Variants in MYH3 observed in about 807,000 individuals in gnomAD.
The protein encoded by MYH3 is myosin-3.
MYH3 carries 130 observed loss-of-function variants against 238.0 expected under a neutral mutation model. The ratio of observed to expected loss-of-function variants is 0.55; its 90% CI spans 0.47 to 0.63. MYH3 has a LOEUF of 0.63. Among genes scored for constraint, MYH3 ranks in the 30% least tolerant of loss-of-function variants. The probability of loss-of-function intolerance (pLI) is 0.00; values close to 1 mark genes in which losing one functional copy is unlikely to be tolerated. For missense variants in MYH3, 1,853 were observed against 2,374.9 expected (o/e 0.78, Z 4.57); for synonymous variants, 880 against 924.1 (o/e 0.95, Z 0.86).
In MYH3 at chr17:10,652,404, G is replaced by A. The variant is rs369636159; in HGVS notation, c.348+16C>T. 3.1e-5 allele frequency: 50 copies of A among 1,613,522 alleles called. No individual in the cohort carries two copies. Among genetic ancestry groups the A allele is most frequent in the Middle Eastern group, 1.7e-4 (1 of 6,058 alleles). On this transcript the variant is annotated intron_variant, in intron 4 of 40. Coordinates refer to ENST00000583535, the MANE Select transcript of MYH3 (RefSeq NM_002470.4). ...TCTAATGCCCCAGGGAAACCACGTC[G>A]AAAGCCCTCGCTGACATAGATCATC...
intron 14 of MYH3, 31 bp downstream of exon 14, chr17:10,644,320 A>G (rs2074300121): frequency 1.2e-6 from 2 of 1,605,340 alleles, no homozygotes; most frequent in Non-Finnish European, 1.7e-6. Context: ...ATATGAAGCC[A>G]TATGAAAATA....
Position 10,654,243 on chromosome 17 carries a change from T to A in MYH3, c.204+618A>T, listed in dbSNP as rs1243478995. 1.3e-5 allele frequency among the ~76,000 whole-genome samples: 2 copies of A among 152,066 alleles called. No homozygotes were observed. Among genetic ancestry groups the A allele is most frequent in the Non-Finnish European group, 2.9e-5 (2 of 67,998 alleles). ...CATCTCTCTTTCACTCTTTCTTTCT[T>A]TTTTCCTTTTTTTGCTTTTTACTTT... On this transcript the variant is annotated intron_variant, in intron 3 of 40. Coordinates refer to ENST00000583535, the MANE Select transcript of MYH3 (RefSeq NM_002470.4). This position sits in a 1 kb window ranked among gnomAD's most constrained non-coding sequence, Gnocchi z 4.5.
At chr17:10,660,311 C>G (rs1234580811), upstream of MYH3, among the ~76,000 whole-genome samples, 1 of 152,178 alleles carries the variant, frequency 6.6e-6, no homozygotes, top group African/African-American at 2.4e-5. Context: ...TTAATGAGAA[C>G]CCTGAGTAAA....
At chr17:10,643,891 GGCTCATGCC>G in intron 14 of MYH3, among the ~76,000 whole-genome samples, 1 of 152,228 alleles carries the variant, frequency 6.6e-6, no homozygotes, top group African/African-American at 2.4e-5. Flanking sequence ...CAGGTGCGGT[GGCTCATGCC>G]TGTAATCCCA....
rs529963438 is a variant in MYH3 at position 10,630,400 on chromosome 17, C to T, written c.5345G>A (p.Arg1782Gln). The change falls in exon 37 of 41, where the codon CGG (arginine) becomes CAG (glutamine). Residue 1782 changes from arginine to glutamine, a missense_variant. This residue lies in a region of MYH3 where 1,044 missense variants were observed against 1,192.6 expected (regional missense o/e 0.88). Coordinates refer to ENST00000583535, the MANE Select transcript of MYH3 (RefSeq NM_002470.4). ...KEQDTSAHLERMKKNLEQTVK... is the reference protein window; with the variant it reads ...KEQDTSAHLEQMKKNLEQTVK... ...CGTCTGTTCCAGGTTCTTCTTCATC[C>T]GCTCAAGGTGGGCGCTGGTGTCCTG... 9.9e-6 allele frequency: 16 copies of T among 1,614,182 alleles called. No individual in the cohort carries two copies. Among genetic ancestry groups the T allele is most frequent in the Admixed American group, 6.7e-5 (4 of 60,024 alleles).
chr17:10,638,052 C>T lies in MYH3; in HGVS notation c.3720G>A (p.Ser1240=), dbSNP rs377201866. 16 of 1,613,740 alleles carry T rather than the reference C, an allele frequency of 9.9e-6. No individual in the cohort carries two copies. The highest frequency in any genetic ancestry group is 1.6e-4 in the Middle Eastern group (1 of 6,062). ...DDLSSSMESV[S]KSKANLEKIC... is the part of the protein sequence containing the mutation. ...CCACCCCGCGCAGCACCTTAGATTT[C>T]GACACACTCTCCATGCTGCTGGAGA... is the stretch of plus-strand genomic sequence containing the variant. Residue 1240 remains serine (S), a synonymous_variant, in exon 27 of 41, where the codon TCG becomes TCA. Coordinates refer to ENST00000583535, the MANE Select transcript of MYH3 (RefSeq NM_002470.4).
At chr17:10,649,386 G>C (rs554673552) in intron 7 of MYH3, among the ~76,000 whole-genome samples, 191 bp downstream of exon 7, 5 of 152,336 alleles carry the variant, frequency 3.3e-5, no homozygotes, top group African/African-American at 1.2e-4. Flanking sequence ...GAAATCCCGG[G>C]ATCTAGTCCT....
intron 8 of MYH3, among the ~76,000 whole-genome samples, chr17:10,647,909 T>TC (rs56034767): frequency 0.63 from 95,687 of 151,934 alleles, 32,042 homozygotes; most frequent in Non-Finnish European, 0.77. Context: ...GTTTGGGGTT[T>TC]TCCTTATTTC....
At chr17:10,655,764 G>A (rs1168912315) in intron 2 of MYH3, among the ~76,000 whole-genome samples, 1 of 152,106 alleles carries the variant, frequency 6.6e-6, no homozygotes, top group African/African-American at 2.4e-5. Flanking sequence ...CGATACTCCT[G>A]CCTCAGTCTC....
At chr17:10,639,248 C>T (rs2074246231) in intron 24 of MYH3, 50 bp downstream of exon 24, 2 of 1,613,884 alleles carry the variant, frequency 1.2e-6, no homozygotes, top group Non-Finnish European at 1.7e-6. Flanking sequence ...CCCTTGAGGG[C>T]TCTTCCAACC....
intron 7 of MYH3, 67 bp downstream of exon 7, chr17:10,649,510 C>A: frequency 7.9e-7 from 1 of 1,273,728 alleles, no homozygotes; most frequent in Non-Finnish European, 1.2e-6. Flanking sequence ...CATTTGGCCC[C>A]CTCATTCTGA....
At chr17:10,672,504 T>C in the MYH3 span, 1 of 152,122 alleles carries the variant, frequency 6.6e-6, no homozygotes, top group Admixed American at 6.6e-5. Flanking sequence ...TTGAGGTATG[T>C]ATATTACAAT....
chr17:10,641,099 G>T lies in MYH3; in HGVS notation c.2151C>A (p.Gly717=), dbSNP rs876657. 0.68 allele frequency: 1,083,214 copies of T among 1,604,760 alleles called. 377,892 individuals are homozygous for T. The highest frequency in any genetic ancestry group is 0.73 in the Non-Finnish European group (855,584 of 1,172,728). The change falls in exon 19 of 41, where the codon GGC becomes GGA. Residue 717 remains glycine, a synonymous_variant. Coordinates refer to ENST00000583535, the MANE Select transcript of MYH3 (RefSeq NM_002470.4). The part of the protein sequence containing the change: ...RKGFPNRILY[G]DFKQRYRVLN... ...TTATTACACACCTTTGTTTAAAATC[G>T]CCATAGAGAATCCTGTTTGGGAACC...
rs567526319 is a variant in MYH3, at chr17:10,633,530, C to T, written c.4647+61G>A. On this transcript the variant is annotated intron_variant, in intron 33 of 40. Coordinates refer to ENST00000583535, the MANE Select transcript of MYH3 (RefSeq NM_002470.4). Reference sequence around the variant, plus strand: ...TGGAGACACAGCATGGAGCAGCCAGCCTCCCTGGCCGTGGCTCACCATGGC... The same window carrying T: ...TGGAGACACAGCATGGAGCAGCCAGTCTCCCTGGCCGTGGCTCACCATGGC... The T allele has an allele frequency of 2.2e-5, 36 of 1,605,100 alleles. No individual in the cohort carries two copies. The African/African-American group carries it at 4.4e-4, about 20-fold the overall frequency.
chr17:10,633,910 C>T (rs2074188516), intron 32 of MYH3, 107 bp downstream of exon 32: 1 of 1,490,530 alleles, frequency 6.7e-7, no homozygotes, highest in Non-Finnish European at 9.3e-7. Flanking sequence ...TGTGCATTAA[C>T]ACACATGTGT....
chr17:10,658,354 C>T (rs970785686), upstream of MYH3, among the ~76,000 whole-genome samples: 1 of 152,066 alleles, frequency 6.6e-6, no homozygotes, highest in Non-Finnish European at 1.5e-5. Context: ...CCATAGAAAC[C>T]GCCCCTTCCG....
chr17:10,644,616 C>G lies in MYH3; in HGVS notation c.1228G>C (p.Glu410Gln). Reference protein sequence around the residue: ...LCFPRVKVGNEYVTKGQTVDQ... With the variant: ...LCFPRVKVGNQYVTKGQTVDQ... ...ACAGTTTGACCTTTGGTAACGTACT[C>G]ATTCCCAACTTTCACTCTAGGAAAG... is the stretch of plus-strand genomic sequence containing the variant. Residue 410 changes from glutamate (E) to glutamine (Q), a missense_variant, in exon 13 of 41, where the codon GAG (glutamate) becomes CAG (glutamine). Coordinates refer to ENST00000583535, the MANE Select transcript of MYH3 (RefSeq NM_002470.4). The G allele has an allele frequency of 6.2e-7, 1 of 1,614,206 alleles. No homozygotes were observed. Among genetic ancestry groups the G allele is most frequent in the Non-Finnish European group, 8.5e-7 (1 of 1,180,034 alleles).
rs2142420437 is a variant in MYH3 at position 10,650,394 on chromosome 17, T to C, written c.513A>G (p.Glu171=). The C allele has an allele frequency of 6.2e-7, 1 of 1,612,928 alleles. No individual in the cohort carries two copies. Among genetic ancestry groups the C allele is most frequent in the East Asian group, 2.2e-5 (1 of 44,872 alleles). The change falls in exon 6 of 41, where the codon GAA becomes GAG. Residue 171 remains glutamate, a synonymous_variant. Transcript: ENST00000583535. ...CTTACGTGATCAGAATGGACTGGTT[T>C]TCACGATCTGCCAGAGGAAAAAATA... ...NAYQFMLTDR[E]NQSILITGES... is the part of the protein sequence containing the mutation.
chr17:10,635,636 C>T (rs2142390306), intron 29 of MYH3, 73 bp from the exon 30 acceptor site: 1 of 1,613,782 alleles, frequency 6.2e-7, no homozygotes, highest in East Asian at 2.2e-5. Flanking sequence ...AAGTGTGTCC[C>T]TTCTATCACC....
Sources: gnomAD v4.1 joint callset for allele counts (sites outside exome capture counted in the v4.1 genomes callset) on GRCh38, gnomAD v4.1.1 for gene constraint, gnomAD v4.1.1 regional missense constraint, Gnocchi (gnomAD v3.1) non-coding constraint, MANE v1.5 for transcripts, NCBI Gene and HGNC (gene_info 2026-07-23, HGNC 2026-07-21) for gene names.